SSR3: variants seen among roughly 807,000 people sequenced by gnomAD.
The protein encoded by SSR3 is signal sequence receptor subunit 3.
A neutral mutation model predicts 22.1 loss-of-function variants in SSR3; 10 were observed. The observed-to-expected ratio is 0.45, with a 90% CI of 0.28 to 0.77. The LOEUF (loss-of-function observed/expected upper bound fraction) is 0.77. SSR3 is among the 30% of genes least tolerant of loss of function. The pLI is 0.13. For missense variants in SSR3, 181 were observed against 220.5 expected, an observed-to-expected ratio of 0.82 and a Z score of 1.13; for synonymous variants, 104 against 82.5, an observed-to-expected ratio of 1.26 and a Z score of -1.42.
chr3:156,554,869 G>GC, intron 1 of SSR3, 88 bp downstream of exon 1: 1 of 1,516,964 alleles, frequency 6.6e-7, no homozygotes, highest in Non-Finnish European at 8.8e-7. Context: ...CGGCACCCAC[G>GC]CCTTCCCTGC....
intron 3 of SSR3, among the ~76,000 whole-genome samples, chr3:156,545,137 A>G (rs991994546): frequency 5.3e-5 from 8 of 152,198 alleles, no homozygotes; most frequent in African/African-American, 1.9e-4. Flanking sequence ...GGGAGCCTTC[A>G]TTCTTGTTGG....
chr3:156,548,359 T>C (rs971600308), intron 3 of SSR3, among the ~76,000 whole-genome samples: 6 of 152,322 alleles, frequency 3.9e-5, no homozygotes, highest in Non-Finnish European at 7.3e-5. Context: ...TAACTAATTA[T>C]GGGATATCCC....
At chr3:156,548,735 T>G in intron 3 of SSR3, 170 bp downstream of exon 3, 1 of 751,518 alleles carries the variant, frequency 1.3e-6, no homozygotes, top group Non-Finnish European at 2.1e-6. Flanking sequence ...AGTATCTGGT[T>G]GTAATAAAAA....
At chr3:156,545,910 A>G (rs1719742803) in intron 3 of SSR3, among the ~76,000 whole-genome samples, 1 of 152,246 alleles carries the variant, frequency 6.6e-6, no homozygotes, top group Admixed American at 6.5e-5. Context: ...ATGAACACTC[A>G]GGACAACTGC....
Position 156,540,764 on chromosome 3 carries a change from A to C in SSR3, c.*2439T>G, listed in dbSNP as rs1451274763. 1.3e-5 allele frequency: 2 copies of C among 152,160 alleles called. No individual in the cohort carries two copies. The highest frequency in any genetic ancestry group is 2.9e-5 in the Non-Finnish European group (2 of 68,024). The allele number at this position is 152,160 out of a possible 1,614,324, so 9.4% of individuals were successfully genotyped here. A position where few individuals can be genotyped will look rare whatever the true frequency, so the allele number is the denominator to read the frequency against. On this transcript the variant is annotated 3_prime_UTR_variant, in exon 5 of 5. Coordinates refer to ENST00000265044, the MANE Select transcript of SSR3 (RefSeq NM_007107.5). ...CACTTTGAATCCCAATTACAGATGAATCTTTTATTTCATGGGTGCTGGGTA... is the reference window on the plus strand; with the variant it reads ...CACTTTGAATCCCAATTACAGATGACTCTTTTATTTCATGGGTGCTGGGTA...
rs1719408575 is a variant in SSR3 at position 156,540,454 on chromosome 3, A to C, written c.*2749T>G. On this transcript the variant is annotated 3_prime_UTR_variant, in exon 5 of 5. Transcript: ENST00000265044. Reference sequence around the variant, plus strand: ...CCCCGTCTCTACTAAAAATACAAAAAAATTAGCCGGGTGTGGTGGCGGGCG... The same window carrying C: ...CCCCGTCTCTACTAAAAATACAAAACAATTAGCCGGGTGTGGTGGCGGGCG... The C allele has an allele frequency of 6.6e-6, 1 of 152,000 alleles. No individual in the cohort carries two copies. Among genetic ancestry groups the C allele is most frequent in the South Asian group, 2.1e-4 (1 of 4,810 alleles). The allele number at this position is 152,000 out of a possible 1,614,324, so 9.4% of individuals were successfully genotyped here.
chr3:156,547,193 C>A (rs1013380255), intron 3 of SSR3, among the ~76,000 whole-genome samples: 2 of 152,166 alleles, frequency 1.3e-5, no homozygotes, highest in African/African-American at 4.8e-5. Context: ...GAAACCTCCA[C>A]CTCACCCCAC....
intron 2 of SSR3, among the ~76,000 whole-genome samples, chr3:156,552,452 T>C (rs564077936): frequency 2.9e-4 from 44 of 152,278 alleles, no homozygotes; most frequent in African/African-American, 8.2e-4. Flanking sequence ...CATAGGGCAA[T>C]GTGCTTCATA....
intron 3 of SSR3, among the ~76,000 whole-genome samples, chr3:156,546,768 T>C (rs1030822693): frequency 3.9e-5 from 6 of 152,224 alleles, no homozygotes; most frequent in African/African-American, 9.6e-5. Context: ...TGTTAAATGA[T>C]AGATCACCTG....
rs1312987972 is a variant in SSR3 at position 156,541,206 on chromosome 3, A to AATT, written c.*1994_*1996dup. 2 of 152,164 alleles carry AATT rather than the reference A, an allele frequency of 1.3e-5. No individual in the cohort carries two copies. Among genetic ancestry groups the AATT allele is most frequent in the Non-Finnish European group, 2.9e-5 (2 of 68,028 alleles). 9.4% of individuals were successfully genotyped at this position (152,164 alleles called of 1,614,324 possible). On this transcript the variant is annotated 3_prime_UTR_variant, in exon 5 of 5. Coordinates refer to ENST00000265044, the MANE Select transcript of SSR3 (RefSeq NM_007107.5). ...ACTGTATTATACCAAGAATGGTGGC[A>AATT]ATTTTTTCCCCATCTATACAGGCAC...
At chr3:156,548,786 C>T in intron 3 of SSR3, 119 bp downstream of exon 3, 1 of 1,307,542 alleles carries the variant, frequency 7.6e-7, no homozygotes, top group Non-Finnish European at 1.0e-6. Context: ...ACTACTACTA[C>T]TACAATTCCA....
chr3:156,543,325 A>T, intron 4 of SSR3, 56 bp from the exon 5 acceptor site: 1 of 1,373,788 alleles, frequency 7.3e-7, no homozygotes, highest in Non-Finnish European at 1.0e-6. Context: ...GTTTTTTGAG[A>T]AAATAAAGAG....
intron 3 of SSR3, among the ~76,000 whole-genome samples, chr3:156,548,151 C>T (rs3821686): frequency 0.31 from 46,434 of 152,008 alleles, 7,500 homozygotes; most frequent in African/African-American, 0.41. Flanking sequence ...ACCAGCAGAT[C>T]CACAACTATT....
chr3:156,553,087 T>A lies in SSR3; in HGVS notation c.260+568A>T, dbSNP rs115801569. On this transcript the variant is annotated intron_variant, in intron 2 of 4. Coordinates refer to ENST00000265044, the MANE Select transcript of SSR3 (RefSeq NM_007107.5). ...AATAAAAAGACCAGCCTGGTCAACA[T>A]GGCCTGTCTCTACAAAAAAATTAGC... 2.5e-3 allele frequency among the ~76,000 whole-genome samples: 370 copies of A among 149,904 alleles called. 1 individual carries two copies. The highest frequency in any genetic ancestry group is 8.4e-3 in the African/African-American group (345 of 40,856).
chr3:156,548,311 A>G (rs1037952199), intron 3 of SSR3, among the ~76,000 whole-genome samples: 1 of 152,216 alleles, frequency 6.6e-6, no homozygotes, highest in African/African-American at 2.4e-5. Flanking sequence ...GCAACAGGAG[A>G]AAAACCCAGT....
rs1359129664 is a variant in SSR3 at position 156,544,480 on chromosome 3, AT to A, written c.360-42del. The A allele has an allele frequency of 5.5e-6, 8 of 1,457,030 alleles. No homozygotes were observed. The South Asian group carries it at 1.1e-4, about 20-fold the overall frequency. The allele number at this position is 1,457,030 out of a possible 1,614,324, so 90.3% of individuals were successfully genotyped here. ...CAAGTCAAACAAGCTTATAAATATGATTTAAAAAAACTTTTAAGTACCATAT... is the reference window on the plus strand; with the variant it reads ...CAAGTCAAACAAGCTTATAAATATGATTAAAAAAACTTTTAAGTACCATAT... On this transcript the variant is annotated intron_variant, in intron 3 of 4. Transcript: ENST00000265044.
At chr3:156,554,657 G>A in intron 1 of SSR3, 1 of 397,094 alleles carries the variant, frequency 2.5e-6, no homozygotes, top group South Asian at 3.2e-5. Context: ...GAGTTTGTCT[G>A]TTTAAATAGA....
At chr3:156,546,332 T>C (rs1466796064) in intron 3 of SSR3, among the ~76,000 whole-genome samples, 1 of 152,222 alleles carries the variant, frequency 6.6e-6, no homozygotes, top group African/African-American at 2.4e-5. Flanking sequence ...TTTTGAGGCA[T>C]CCCCAGTCAT....
intron 3 of SSR3, among the ~76,000 whole-genome samples, chr3:156,546,048 T>C (rs118105363): frequency 6.6e-6 from 1 of 152,346 alleles, no homozygotes; most frequent in East Asian, 1.9e-4. Flanking sequence ...TAACTTCTTT[T>C]CTGTCAAGCC....
Sources: allele counts gnomAD v4.1 joint callset (sites outside exome capture counted in the v4.1 genomes callset), GRCh38; gene constraint gnomAD v4.1.1; transcripts MANE v1.5; gene names NCBI Gene and HGNC (gene_info 2026-07-23, HGNC 2026-07-21).